Variants in OSBP observed in about 807,000 individuals in gnomAD.
OSBP encodes oxysterol binding protein.
In OSBP, 32 loss-of-function variants were observed where a neutral mutation model predicts 96.6. The ratio of observed to expected loss-of-function variants is 0.33; its 90% CI spans 0.25 to 0.45. OSBP has a LOEUF of 0.45. OSBP is among the 20% of genes least tolerant of loss of function. The probability of loss-of-function intolerance (pLI) is 1.00; values close to 1 mark genes in which losing one functional copy is unlikely to be tolerated. For synonymous variants in OSBP, 369 were observed against 389.6 expected (o/e 0.95, Z 0.62); for missense variants, 653 against 1,029.7 (o/e 0.63, Z 5.01).
intron 10 of OSBP, among the ~76,000 whole-genome samples, chr11:59,580,651 T>C (rs1860409685): frequency 6.6e-6 from 1 of 152,198 alleles, no homozygotes; most frequent in South Asian, 2.1e-4. Flanking sequence ...GGCCTTTCTA[T>C]ACTTGATTCA....
intron 7 of OSBP, among the ~76,000 whole-genome samples, chr11:59,594,599 G>A (rs938555521): frequency 2.0e-5 from 3 of 152,218 alleles, no homozygotes; most frequent in African/African-American, 7.2e-5. Flanking sequence ...GAAATGCAAT[G>A]TATTTTAGCA....
rs1277897802 is a variant in OSBP, at chr11:59,586,655, AGT to A, written c.1679-5103_1679-5102del. Among the ~76,000 whole-genome samples, 8 of 152,356 alleles carry A rather than the reference AGT, an allele frequency of 5.3e-5. No individual in the cohort carries two copies. The East Asian group carries it at 1.3e-3, about 26-fold the overall frequency. ...ATTTTGATACTTAATACAAAGTTACAGTAATCTAAAATGTGTGGTACTAGAAT... is the reference window on the plus strand; with the variant it reads ...ATTTTGATACTTAATACAAAGTTACAAATCTAAAATGTGTGGTACTAGAAT... On this transcript the variant is annotated intron_variant, in intron 9 of 13. Coordinates refer to ENST00000263847, the MANE Select transcript of OSBP (RefSeq NM_002556.3).
In OSBP at chr11:59,576,668, G is replaced by A; in HGVS notation, c.2333C>T (p.Pro778Leu). The change falls in exon 14 of 14, where the codon CCT (proline) becomes CTT (leucine). Residue 778 changes from proline (P) to leucine (L), a missense_variant. Coordinates refer to ENST00000263847, the MANE Select transcript of OSBP (RefSeq NM_002556.3). The stretch of plus-strand genomic sequence containing the variant: ...AATATGGGTTAACTCCTTGGTAACA[G>A]GGTCCTTCTTCCGCTCAAACCACAG... ...KALWFERKKDPVTKELTHIYR... is the reference protein window; with the variant it reads ...KALWFERKKDLVTKELTHIYR... 6.2e-7 allele frequency: 1 copy of A among 1,614,114 alleles called. No individual in the cohort carries two copies. The highest frequency in any genetic ancestry group is 8.5e-7 in the Non-Finnish European group (1 of 1,180,008).
chr11:59,615,548 C>A lies in OSBP; in HGVS notation c.117G>T (p.Ala39=). The A allele has an allele frequency of 1.5e-6, 2 of 1,351,574 alleles. No individual in the cohort carries two copies. The highest frequency in any genetic ancestry group is 3.5e-5 in the South Asian group (2 of 57,854). 83.7% of individuals were successfully genotyped at this position (1,351,574 alleles called of 1,614,324 possible). The stretch of plus-strand genomic sequence containing the variant: ...CTGACGCGGCCCCGGAGCCTGGCCC[C>A]GCATCTCCGCGGCCGCCGCCTCCTC... ...VVGGGGGRGD[A]GPGSGAASGT... The change falls in exon 1 of 14, where the codon GCG becomes GCT. Residue 39 remains alanine, a synonymous_variant. Transcript: ENST00000263847.
chr11:59,588,266 G>C (rs1860526706), intron 9 of OSBP, among the ~76,000 whole-genome samples: 1 of 152,184 alleles, frequency 6.6e-6, no homozygotes. Flanking sequence ...GGGTGTGGTG[G>C]CTCATGCCTG....
chr11:59,585,499 G>C (rs1590668992), intron 9 of OSBP, among the ~76,000 whole-genome samples: 1 of 151,968 alleles, frequency 6.6e-6, no homozygotes. Flanking sequence ...TCTGGGAAGT[G>C]AGGAGCCTCT....
At chr11:59,602,384 G>A (rs1234685720) in intron 3 of OSBP, among the ~76,000 whole-genome samples, 6 of 152,226 alleles carry the variant, frequency 3.9e-5, no homozygotes, top group Middle Eastern at 3.4e-3. Flanking sequence ...CAGTGTGCAG[G>A]AAGAAGGTTT....
intron 9 of OSBP, among the ~76,000 whole-genome samples, chr11:59,592,529 T>C (rs1860597912): frequency 6.6e-6 from 1 of 152,228 alleles, no homozygotes; most frequent in Non-Finnish European, 1.5e-5. Context: ...TGGTAAGCTC[T>C]GTCTCTTGGG....
intron 7 of OSBP, among the ~76,000 whole-genome samples, chr11:59,598,564 A>G (rs1025028330): frequency 2.0e-5 from 3 of 152,134 alleles, no homozygotes; most frequent in African/African-American, 2.4e-5. Context: ...GATTTAAGTG[A>G]TAGTGATTTA....
intron 9 of OSBP, among the ~76,000 whole-genome samples, chr11:59,588,352 G>A (rs1222856786): frequency 2.6e-5 from 4 of 151,876 alleles, no homozygotes; most frequent in Non-Finnish European, 5.9e-5. Context: ...AGGCCAACAT[G>A]GTGAAACCCC....
chr11:59,575,004 GA>G lies in OSBP; in HGVS notation c.*1572del, dbSNP rs1860343373. The G allele has an allele frequency of 6.6e-6, 1 of 152,220 alleles. No homozygotes were observed. 9.4% of individuals were successfully genotyped at this position (152,220 alleles called of 1,614,324 possible). On this transcript the variant is annotated 3_prime_UTR_variant, in exon 14 of 14. Coordinates refer to ENST00000263847, the MANE Select transcript of OSBP (RefSeq NM_002556.3). ...TCAACCAAGGGTGGGTTGCACAGGG[GA>G]TATTTCTCAACAAGACAACAAAAAC...
intron 9 of OSBP, among the ~76,000 whole-genome samples, chr11:59,581,981 T>C (rs1860427468): frequency 6.6e-6 from 1 of 152,194 alleles, no homozygotes; most frequent in Admixed American, 6.5e-5. Flanking sequence ...AAACCACTTA[T>C]CTAAGGCCCT....
chr11:59,600,779 C>A (rs1047103983), intron 6 of OSBP, 40 bp downstream of exon 6: 27 of 1,591,404 alleles, frequency 1.7e-5, no homozygotes, highest in Non-Finnish European at 1.9e-5. Flanking sequence ...GAATCACAAC[C>A]CACGTCCCTC....
At chr11:59,610,340 C>T in intron 2 of OSBP, 41 bp downstream of exon 2, 1 of 1,561,428 alleles carries the variant, frequency 6.4e-7, no homozygotes, top group Middle Eastern at 2.3e-4. Context: ...ATAAAAGGGG[C>T]AAAAAGAAAG....
chr11:59,601,624 G>A lies in OSBP; in HGVS notation c.1021+16C>T. 1 of 1,611,526 alleles carries A rather than the reference G, an allele frequency of 6.2e-7. No homozygotes were observed. Among genetic ancestry groups the A allele is most frequent in the Non-Finnish European group, 8.5e-7 (1 of 1,179,216 alleles). ...GCTCACCTTAGACCAGGCTACCTGA[G>A]AGCTAAGTGTCTTACCTTTACCAGA... On this transcript the variant is annotated intron_variant, in intron 4 of 13. Transcript: ENST00000263847.
intron 11 of OSBP, 92 bp downstream of exon 11, chr11:59,580,082 A>G (rs1247220449): frequency 2.3e-6 from 2 of 851,134 alleles, no homozygotes; most frequent in East Asian, 2.4e-5. Flanking sequence ...CCCCCATACC[A>G]CCCCACATGT....
intron 9 of OSBP, among the ~76,000 whole-genome samples, chr11:59,591,094 T>A (rs566047719): frequency 6.6e-6 from 1 of 152,240 alleles, no homozygotes. Flanking sequence ...TAAATAAGCA[T>A]AGGAATGCAA....
rs754036342 is a variant in OSBP at position 59,576,752 on chromosome 11, G to A, written c.2282-33C>T. On this transcript the variant is annotated intron_variant, in intron 13 of 13. Coordinates refer to ENST00000263847, the MANE Select transcript of OSBP (RefSeq NM_002556.3). The stretch of plus-strand genomic sequence containing the variant: ...GAAAAGAGAGGAAAGAAAAAAATTA[G>A]TGCTGGCATTCTCCATGCATCAAGA... The A allele has an allele frequency of 1.4e-5, 23 of 1,612,344 alleles. 1 individual carries two copies. The South Asian group carries it at 2.5e-4, about 18-fold the overall frequency.
At chr11:59,580,316 T>C (rs564848672) in intron 10 of OSBP, 47 bp from the exon 11 acceptor site, 1 of 1,151,180 alleles carries the variant, frequency 8.7e-7, no homozygotes. Flanking sequence ...ATAAATTCAA[T>C]GTCTGCCAAA....
Sources: gnomAD v4.1 joint callset for allele counts (sites outside exome capture counted in the v4.1 genomes callset) on GRCh38, gnomAD v4.1.1 for gene constraint, MANE v1.5 for transcripts, NCBI Gene and HGNC (gene_info 2026-07-23, HGNC 2026-07-21) for gene names.